Variants in CFAP44 observed in about 807,000 individuals in gnomAD.
The protein encoded by CFAP44 is cilia and flagella associated protein 44, also known as cilia- and flagella-associated protein 44.
In CFAP44, 134 loss-of-function variants were observed where a neutral mutation model predicts 216.2. That is an observed-to-expected ratio of 0.62 (90% CI 0.54 to 0.72). CFAP44 has a LOEUF of 0.72. Among genes scored for constraint, CFAP44 ranks in the 30% least tolerant of loss-of-function variants. CFAP44 has a pLI of 0.00. For synonymous variants in CFAP44, 700 were observed against 727.6 expected (o/e 0.96, Z 0.61); for missense variants, 2,035 against 2,182.1 (o/e 0.93, Z 1.34).
At chr3:113,317,289 G>A (rs1456509922) in intron 28 of CFAP44, among the ~76,000 whole-genome samples, 1 of 152,202 alleles carries the variant, frequency 6.6e-6, no homozygotes, top group African/African-American at 2.4e-5. Context: ...TTTGTGCATT[G>A]GGCAGCTCTG....
chr3:113,373,419 G>C lies in CFAP44; in HGVS notation c.2436C>G (p.Ile812Met). 1 of 1,570,096 alleles carries C rather than the reference G, an allele frequency of 6.4e-7. No homozygotes were observed. Among genetic ancestry groups the C allele is most frequent in the Non-Finnish European group, 8.6e-7 (1 of 1,156,712 alleles). Residue 812 changes from isoleucine to methionine, a missense_variant, in exon 18 of 35, where the codon ATC (isoleucine) becomes ATG (methionine). By Grantham distance (10) the Ile-to-Met change is conservative. This residue lies in a region of CFAP44 where 1,883 missense variants were observed against 2,023.7 expected (regional missense o/e 0.93). Coordinates refer to ENST00000393845, the MANE Select transcript of CFAP44 (RefSeq NM_001164496.2). ...ADTEDNPIQT[I>M]TFNINKVMMF... ...TTTGAAATACTGCTCACTTGAAAGT[G>C]ATAGTTTGGATGGGATTGTCCTCTG...
In CFAP44 at chr3:113,409,096, C is replaced by A. The variant is rs780258914; in HGVS notation, c.890+10G>T. The A allele has an allele frequency of 6.3e-7, 1 of 1,599,284 alleles. No homozygotes were observed. The highest frequency in any genetic ancestry group is 8.5e-7 in the Non-Finnish European group (1 of 1,171,296). On this transcript the variant is annotated intron_variant, in intron 7 of 34. Transcript: ENST00000393845. Reference sequence around the variant, plus strand: ...TATCTACTGGCACCTCTATTGGTTACCCAACCTACTTGATGTGGCCTGATC... The same window carrying A: ...TATCTACTGGCACCTCTATTGGTTAACCAACCTACTTGATGTGGCCTGATC...
intron 2 of CFAP44, chr3:113,432,025 G>A (rs1236296488): frequency 2.6e-5 from 4 of 152,150 alleles, no homozygotes; most frequent in Non-Finnish European, 5.9e-5. Flanking sequence ...TTTAATGGGT[G>A]AGAAAATTGA....
At chr3:113,362,773 G>T in intron 21 of CFAP44, 1 of 522,254 alleles carries the variant, frequency 1.9e-6, no homozygotes. Flanking sequence ...AGTTCCCAAC[G>T]AAGCCAGCCA....
At chr3:113,393,891 ACT>A (rs1933918888) in intron 15 of CFAP44, among the ~76,000 whole-genome samples, 1 of 152,042 alleles carries the variant, frequency 6.6e-6, no homozygotes. Flanking sequence ...TTCTGACATG[ACT>A]ACAAGCCCGT....
chr3:113,306,125 C>A, intron 30 of CFAP44, 76 bp downstream of exon 30: 1 of 1,445,982 alleles, frequency 6.9e-7, no homozygotes, highest in Non-Finnish European at 9.1e-7. Flanking sequence ...ATTGTCATTG[C>A]TATAAAAAGG....
rs1314001256 is a variant in CFAP44 at position 113,308,262 on chromosome 3, T to C, written c.4523A>G (p.Asp1508Gly). ...TTCACTTGATTCCTCACTCTCCTCATCTTCATCTATGGAAAGAGGAGGGCA... is the reference window on the plus strand; with the variant it reads ...TTCACTTGATTCCTCACTCTCCTCACCTTCATCTATGGAAAGAGGAGGGCA... ...KKEVEGDADE[D>G]EESEESSEEE... Residue 1508 changes from aspartate to glycine, a missense_variant, in exon 29 of 35, where the codon GAT becomes GGT. This residue lies in a region of CFAP44 where 1,883 missense variants were observed against 2,023.7 expected (regional missense o/e 0.93). Transcript: ENST00000393845. 10 of 1,531,988 alleles carry C rather than the reference T, an allele frequency of 6.5e-6. No homozygotes were observed. The highest frequency in any genetic ancestry group is 8.7e-6 in the Non-Finnish European group (10 of 1,145,454). The allele number at this position is 1,531,988 out of a possible 1,614,324, so 94.9% of individuals were successfully genotyped here.
At chr3:113,299,753 G>A (rs1353122270) in intron 32 of CFAP44, among the ~76,000 whole-genome samples, 1 of 152,126 alleles carries the variant, frequency 6.6e-6, no homozygotes. Flanking sequence ...ATCCAGCTAG[G>A]CACAGTGACT....
intron 17 of CFAP44, among the ~76,000 whole-genome samples, chr3:113,378,647 C>T (rs1240245108): frequency 2.0e-5 from 3 of 152,094 alleles, no homozygotes; most frequent in Admixed American, 6.5e-5. Flanking sequence ...GGAAATCTTG[C>T]TTTGCAGTAG....
chr3:113,334,685 A>G (rs965262313), intron 24 of CFAP44, among the ~76,000 whole-genome samples: 1 of 152,330 alleles, frequency 6.6e-6, no homozygotes, highest in East Asian at 1.9e-4. Flanking sequence ...TGCTTAAACC[A>G]GTTGGGCCCT....
chr3:113,427,699 G>A (rs904799472), intron 2 of CFAP44: 1 of 179,206 alleles, frequency 5.6e-6, no homozygotes, highest in Non-Finnish European at 1.1e-5. Context: ...AAGCCTTATT[G>A]TCTTTCTTTC....
intron 18 of CFAP44, among the ~76,000 whole-genome samples, chr3:113,369,708 A>C (rs1251303993): frequency 6.6e-6 from 1 of 152,216 alleles, no homozygotes; most frequent in Non-Finnish European, 1.5e-5. Flanking sequence ...AGCTAGCAGA[A>C]GGCAAGAAAT....
Position 113,420,038 on chromosome 3 carries a change from A to G in CFAP44, c.549T>C (p.Gly183=), listed in dbSNP as rs11928322. The change falls in exon 5 of 35, where the codon GGT becomes GGC. Residue 183 remains glycine, a synonymous_variant. Transcript: ENST00000393845. ...KEQIYLRSSS[G]EGIGVIGVHP... The stretch of plus-strand genomic sequence containing the variant: ...ATACCCCAATGACGCCAATTCCTTC[A>G]CCACTGCTACTTCGCAGGTAGATCT... 3.2e-4 allele frequency: 522 copies of G among 1,613,598 alleles called. 2 individuals carry two copies. In the African/African-American group the frequency reaches 5.5e-3, roughly 17 times the overall value.
At chr3:113,322,713 C>A (rs1229851783) in intron 28 of CFAP44, among the ~76,000 whole-genome samples, 3 of 152,068 alleles carry the variant, frequency 2.0e-5, no homozygotes, top group Non-Finnish European at 4.4e-5. Flanking sequence ...ACCATTTGAC[C>A]CAGCAATCCT....
In CFAP44 at chr3:113,287,222, G is replaced by A. The variant is rs571658175; in HGVS notation, c.*4335C>T. The stretch of plus-strand genomic sequence containing the variant: ...GGATCCCAGGCACATGGTTCATCAC[G>A]AGCATGAGGGAACAGCAAGGGGCAC... On this transcript the variant is annotated 3_prime_UTR_variant, in exon 35 of 35. Coordinates refer to ENST00000393845, the MANE Select transcript of CFAP44 (RefSeq NM_001164496.2). 15 of 369,854 alleles carry A rather than the reference G, an allele frequency of 4.1e-5. No individual in the cohort carries two copies. The highest frequency in any genetic ancestry group is 7.3e-5 in the East Asian group (1 of 13,648). 22.9% of individuals were successfully genotyped at this position (369,854 alleles called of 1,614,324 possible).
intron 16 of CFAP44, 53 bp downstream of exon 16, chr3:113,380,845 AT>A (rs1933487160): frequency 7.2e-7 from 1 of 1,392,916 alleles, no homozygotes; most frequent in Non-Finnish European, 9.5e-7. Context: ...AGGATATTTT[AT>A]ATTCTAAGGA....
chr3:113,389,581 T>C (rs543119818), intron 15 of CFAP44, among the ~76,000 whole-genome samples: 1 of 152,114 alleles, frequency 6.6e-6, no homozygotes, highest in East Asian at 1.9e-4. Flanking sequence ...AAGTTGTTTT[T>C]TTCAAAAGAT....
intron 11 of CFAP44, among the ~76,000 whole-genome samples, chr3:113,400,981 A>G (rs570377107): frequency 6.6e-6 from 1 of 152,246 alleles, no homozygotes; most frequent in African/African-American, 2.4e-5. Context: ...AAAATTCTAT[A>G]TATTTATAAA....
rs866832154 is a variant in CFAP44 at position 113,343,008 on chromosome 3, T to A, written c.3263-1090A>T. 9.5e-3 allele frequency among the ~76,000 whole-genome samples: 1,252 copies of A among 131,916 alleles called. 18 individuals are homozygous for A. Among genetic ancestry groups the A allele is most frequent in the African/African-American group, 0.028 (843 of 30,640 alleles). The allele number at this position is 131,916 out of a possible 152,430, so 86.5% of individuals were successfully genotyped here. ...CAAAAATAAATAAATAAATAAAAAA[T>A]TAAAAAAAAATGGCTGTATCAACTA... On this transcript the variant is annotated intron_variant, in intron 23 of 34. Coordinates refer to ENST00000393845, the MANE Select transcript of CFAP44 (RefSeq NM_001164496.2).
Sources: gnomAD v4.1 joint callset for allele counts (sites outside exome capture counted in the v4.1 genomes callset) on GRCh38, gnomAD v4.1.1 for gene constraint, gnomAD v4.1.1 regional missense constraint, MANE v1.5 for transcripts, NCBI Gene and HGNC (gene_info 2026-07-23, HGNC 2026-07-21) for gene names.